Variants in GSPT1 observed in about 807,000 individuals in gnomAD.
GSPT1 encodes the protein eukaryotic peptide chain release factor GTP-binding subunit ERF3A.
GSPT1 carries 20 observed loss-of-function variants against 72.5 expected under a neutral mutation model. The observed-to-expected ratio is 0.28, with a 90% CI of 0.19 to 0.40. GSPT1 has a LOEUF of 0.40. Ranked by LOEUF, GSPT1 falls within the 10% of genes least tolerant of loss-of-function variation. The pLI is 1.00. For missense variants in GSPT1, 580 were observed against 811.9 expected (o/e 0.71, Z 3.47); for synonymous variants, 334 against 293.5 (o/e 1.14, Z -1.41).
rs756047943 is a variant in GSPT1, at chr16:11,877,589, G to C, written c.1429-9C>G. 36 of 1,568,032 alleles carry C rather than the reference G, an allele frequency of 2.3e-5. No individual in the cohort carries two copies. The highest frequency in any genetic ancestry group is 3.0e-5 in the Non-Finnish European group (35 of 1,157,146). ...AGAACTTCCACGTTGTGCTTTAAAA[G>C]AAAACAAGACTGGAGGTTTTCTGAC... On this transcript the variant is annotated splice_polypyrimidine_tract_variant and intron_variant, in intron 11 of 14. Transcript: ENST00000434724. The surrounding 1 kb of genome is among the most constrained non-coding windows in gnomAD (Gnocchi z 4.0).
At position 11,886,458 on chromosome 16, in the gene GSPT1, A is replaced by C; in HGVS notation, c.1253+13T>G. 1 of 1,587,964 alleles carries C rather than the reference A, an allele frequency of 6.3e-7. No homozygotes were observed. The highest frequency in any genetic ancestry group is 8.6e-7 in the Non-Finnish European group (1 of 1,166,336). On this transcript the variant is annotated intron_variant, in intron 9 of 14. Coordinates refer to ENST00000434724, the MANE Select transcript of GSPT1 (RefSeq NM_002094.4). ...CTTTTCCTTTTTAAAAAAAGGAAAA[A>C]ACAGTTACTTACATGTACCAAGGAC...
At chr16:11,893,615 T>G (rs181126487) in intron 5 of GSPT1, among the ~76,000 whole-genome samples, 3 of 152,204 alleles carry the variant, frequency 2.0e-5, no homozygotes, top group African/African-American at 7.2e-5. Flanking sequence ...CCTTTCCCTA[T>G]AGCTTTCATC....
chr16:11,884,596 C>A (rs536625848), intron 10 of GSPT1, among the ~76,000 whole-genome samples: 1 of 152,068 alleles, frequency 6.6e-6, no homozygotes, highest in East Asian at 1.9e-4. Flanking sequence ...CCGGTCTCTA[C>A]TAAAAATACA....
rs1043927171 is a variant in GSPT1 at position 11,912,090 on chromosome 16, C to T, written c.352+3279G>A. Reference sequence around the variant, plus strand: ...GGCCAGGCGCGGTCACACCTGTAATCCCGGCACTTTGGGAGGCCAAGGCGG... The same window carrying T: ...GGCCAGGCGCGGTCACACCTGTAATTCCGGCACTTTGGGAGGCCAAGGCGG... On this transcript the variant is annotated intron_variant, in intron 1 of 14. Coordinates refer to ENST00000434724, the MANE Select transcript of GSPT1 (RefSeq NM_002094.4). Among the ~76,000 whole-genome samples the T allele has an allele frequency of 4.8e-5, 7 of 145,868 alleles. No individual in the cohort carries two copies. In the East Asian group the frequency reaches 1.4e-3, roughly 30 times the overall value.
intron 1 of GSPT1, among the ~76,000 whole-genome samples, chr16:11,906,685 T>C: frequency 6.6e-6 from 1 of 152,176 alleles, no homozygotes; most frequent in Non-Finnish European, 1.5e-5. Context: ...TGGTTCATAC[T>C]ATATTCCCAT....
chr16:11,881,507 G>A (rs1384807494), intron 11 of GSPT1: 1 of 151,982 alleles, frequency 6.6e-6, no homozygotes. Context: ...GCCATCTAGT[G>A]TATTCACCAT....
intron 1 of GSPT1, among the ~76,000 whole-genome samples, chr16:11,905,909 T>C (rs905678784): frequency 1.4e-4 from 21 of 152,176 alleles, no homozygotes; most frequent in African/African-American, 4.6e-4. Context: ...CCCTAGATTG[T>C]AGACTTCCAG....
intron 5 of GSPT1, among the ~76,000 whole-genome samples, chr16:11,891,488 A>G (rs2054260446): frequency 6.6e-6 from 1 of 151,108 alleles, no homozygotes; most frequent in Non-Finnish European, 1.5e-5. Context: ...CAGCCTCCTG[A>G]GTAGCTGGGA....
At chr16:11,875,018 C>T (rs571065013) in intron 14 of GSPT1, among the ~76,000 whole-genome samples, 31 of 152,166 alleles carry the variant, frequency 2.0e-4, no homozygotes, top group Non-Finnish European at 3.1e-4. Context: ...GGTGAAACCC[C>T]GTCTCTACAA....
intron 1 of GSPT1, among the ~76,000 whole-genome samples, chr16:11,898,896 T>C (rs575237528): frequency 2.2e-4 from 34 of 152,348 alleles, no homozygotes; most frequent in African/African-American, 7.9e-4. Context: ...ATTCCAATGA[T>C]GCCAGTTTTT....
At chr16:11,902,382 C>G (rs995601398) in intron 1 of GSPT1, among the ~76,000 whole-genome samples, 4 of 104,916 alleles carry the variant, frequency 3.8e-5, no homozygotes, top group Non-Finnish European at 5.3e-5. Flanking sequence ...GTCTCAAAAA[C>G]AGACAGAGCA....
chr16:11,884,833 C>G (rs2054167379), intron 10 of GSPT1, among the ~76,000 whole-genome samples: 2 of 151,080 alleles, frequency 1.3e-5, no homozygotes, highest in African/African-American at 4.9e-5. Context: ...TTGGGGGAGG[C>G]CGAGGCAGGT....
Position 11,877,708 on chromosome 16 carries a change from G to T in GSPT1, c.1429-128C>A. 3.4e-6 allele frequency: 2 copies of T among 596,888 alleles called. No homozygotes were observed. Among genetic ancestry groups the T allele is most frequent in the Admixed American group, 7.1e-5 (2 of 28,254 alleles). 37.0% of individuals were successfully genotyped at this position (596,888 alleles called of 1,614,324 possible). ...TGACTGTAAACACTTATGTTTGTATGACATAAAATCTTAGCCTAGATATGA... is the reference window on the plus strand; with the variant it reads ...TGACTGTAAACACTTATGTTTGTATTACATAAAATCTTAGCCTAGATATGA... On this transcript the variant is annotated intron_variant, in intron 11 of 14. Coordinates refer to ENST00000434724, the MANE Select transcript of GSPT1 (RefSeq NM_002094.4). This position sits in a 1 kb window ranked among gnomAD's most constrained non-coding sequence, Gnocchi z 4.0.
chr16:11,873,689 G>C (rs1400019373), intron 14 of GSPT1, among the ~76,000 whole-genome samples: 1 of 152,080 alleles, frequency 6.6e-6, no homozygotes, highest in African/African-American at 2.4e-5. Context: ...CTGGGTTCAA[G>C]TGATTCTCCT....
chr16:11,901,031 G>A (rs531598514), intron 1 of GSPT1, among the ~76,000 whole-genome samples: 1 of 152,032 alleles, frequency 6.6e-6, no homozygotes, highest in Non-Finnish European at 1.5e-5. Flanking sequence ...AAAAACTGTC[G>A]GGAATGGCGG....
chr16:11,888,303 TA>T (rs2054209770), intron 6 of GSPT1, among the ~76,000 whole-genome samples: 1 of 151,280 alleles, frequency 6.6e-6, no homozygotes, highest in Non-Finnish European at 1.5e-5. Flanking sequence ...TCATCTCTAC[TA>T]AAAATACAAA....
intron 4 of GSPT1, among the ~76,000 whole-genome samples, chr16:11,896,087 A>T (rs1376963361): frequency 6.6e-6 from 1 of 152,224 alleles, no homozygotes; most frequent in Non-Finnish European, 1.5e-5. Flanking sequence ...TATCTGAGTA[A>T]ATTAAATAAA....
intron 6 of GSPT1, among the ~76,000 whole-genome samples, chr16:11,889,760 C>G (rs1421753151): frequency 6.6e-6 from 1 of 151,806 alleles, no homozygotes; most frequent in African/African-American, 2.4e-5. Context: ...CCTGCCTCGG[C>G]CTCCCAAAGC....
rs2053976614 is a variant in GSPT1 at position 11,871,336 on chromosome 16, G to A, written c.*1783C>T. On this transcript the variant is annotated 3_prime_UTR_variant, in exon 15 of 15. Transcript: ENST00000434724. Reference sequence around the variant, plus strand: ...AATCCCAGCACTTTTGAGAGGCTGAGGCGAGTGGATCACTTGAGGTCAGAA... The same window carrying A: ...AATCCCAGCACTTTTGAGAGGCTGAAGCGAGTGGATCACTTGAGGTCAGAA... The A allele has an allele frequency of 6.6e-6, 1 of 152,200 alleles. No homozygotes were observed. 9.4% of individuals were successfully genotyped at this position (152,200 alleles called of 1,614,324 possible).
Sources: allele counts gnomAD v4.1 joint callset (sites outside exome capture counted in the v4.1 genomes callset), GRCh38; gene constraint gnomAD v4.1.1; non-coding constraint Gnocchi (gnomAD v3.1); transcripts MANE v1.5; gene names NCBI Gene and HGNC (gene_info 2026-07-23, HGNC 2026-07-21).